Variants in CADPS observed in about 807,000 individuals in gnomAD.
CADPS encodes calcium-dependent secretion activator 1.
A neutral mutation model predicts 167.3 loss-of-function variants in CADPS; 57 were observed. The observed-to-expected ratio is 0.34, with a 90% CI of 0.28 to 0.42. The LOEUF (loss-of-function observed/expected upper bound fraction) is 0.42. Among genes scored for constraint, CADPS ranks in the 20% least tolerant of loss-of-function variants. The pLI, the probability that CADPS is intolerant of heterozygous loss-of-function variation, is 1.00. For missense variants in CADPS, 1,414 were observed against 1,738.1 expected (o/e 0.81, Z 3.32); for synonymous variants, 676 against 635.3 (o/e 1.06, Z -0.96).
chr3:62,863,359 T>C (rs1017707671), intron 1 of CADPS, among the ~76,000 whole-genome samples: 2 of 152,186 alleles, frequency 1.3e-5, no homozygotes, highest in East Asian at 1.9e-4. Context: ...ACCTATCTTA[T>C]AAGGTTGTTA....
In CADPS at chr3:62,871,556, A is replaced by G. The variant is rs183396622; in HGVS notation, c.441+3033T>C. ...TAAAAAGATAGGATTTGGAATCAGA[A>G]TGTTTCACACTTCAATTGCCATCTT... On this transcript the variant is annotated intron_variant, in intron 1 of 29. Coordinates refer to ENST00000383710, the MANE Select transcript of CADPS (RefSeq NM_003716.4). Among the ~76,000 whole-genome samples, 174 of 152,252 alleles carry G rather than the reference A, an allele frequency of 1.1e-3. 2 individuals are homozygous for G. The highest frequency in any genetic ancestry group is 2.8e-3 in the Admixed American group (43 of 15,300).
intron 3 of CADPS, among the ~76,000 whole-genome samples, chr3:62,679,019 C>T (rs577784412): frequency 6.6e-6 from 1 of 152,002 alleles, no homozygotes; most frequent in Non-Finnish European, 1.5e-5. Flanking sequence ...ATTGCTGTAG[C>T]TTTTCTTTAC....
intron 13 of CADPS, among the ~76,000 whole-genome samples, chr3:62,521,357 A>G (rs1202178722): frequency 6.6e-6 from 1 of 152,220 alleles, no homozygotes; most frequent in Non-Finnish European, 1.5e-5. Flanking sequence ...TTATTTAACT[A>G]TGAATCCCTT....
At position 62,874,303 on chromosome 3, in the gene CADPS, T is replaced by C. The variant is rs1274163989; in HGVS notation, c.441+286A>G. ...GCCTCTCGGTCCACAAAGCGGGACC[T>C]GCCTGCCTCGCTCACCAACGCTCCC... On this transcript the variant is annotated intron_variant, in intron 1 of 29. Transcript: ENST00000383710. The surrounding 1 kb of genome is among the most constrained non-coding windows in gnomAD (Gnocchi z 7.1). Among the ~76,000 whole-genome samples the C allele has an allele frequency of 6.6e-6, 1 of 152,182 alleles. No individual in the cohort carries two copies. The highest frequency in any genetic ancestry group is 2.4e-5 in the African/African-American group (1 of 41,454).
rs554567796 is a variant in CADPS at position 62,421,090 on chromosome 3, G to A, written c.3777+17014C>T. On this transcript the variant is annotated intron_variant, in intron 28 of 29. Coordinates refer to ENST00000383710, the MANE Select transcript of CADPS (RefSeq NM_003716.4). This position sits in a 1 kb window ranked among gnomAD's most constrained non-coding sequence, Gnocchi z 4.7. ...ACCAGCCAGGAGGTAAGAAGTCTGCGTCAGGTCCCCCATTGAAGTGTTCAG... is the reference window on the plus strand; with the variant it reads ...ACCAGCCAGGAGGTAAGAAGTCTGCATCAGGTCCCCCATTGAAGTGTTCAG... 5.4e-4 allele frequency among the ~76,000 whole-genome samples: 82 copies of A among 152,230 alleles called. No homozygotes were observed. The highest frequency in any genetic ancestry group is 7.1e-4 in the Non-Finnish European group (48 of 68,016).
chr3:62,645,846 G>GA lies in CADPS; in HGVS notation c.1204-4dup. 2 of 1,613,894 alleles carry GA rather than the reference G, an allele frequency of 1.2e-6. No homozygotes were observed. Among genetic ancestry groups the GA allele is most frequent in the Non-Finnish European group, 1.7e-6 (2 of 1,179,880 alleles). On this transcript the variant is annotated splice_region_variant and splice_polypyrimidine_tract_variant and intron_variant, in intron 5 of 29. Coordinates refer to ENST00000383710, the MANE Select transcript of CADPS (RefSeq NM_003716.4). ...CCTTGGACTTCCATAATTACCACCTGAAAAGAGAATTCCACATAATGGAGG... is the reference window on the plus strand; with the variant it reads ...CCTTGGACTTCCATAATTACCACCTGAAAAAGAGAATTCCACATAATGGAGG...
chr3:62,547,172 G>T (rs762414421), intron 11 of CADPS, among the ~76,000 whole-genome samples: 21 of 152,178 alleles, frequency 1.4e-4, no homozygotes, highest in Admixed American at 8.5e-4. Context: ...CAGTGTTGAA[G>T]CTCTGTTGCA....
chr3:62,426,902 C>T (rs1415058668), intron 28 of CADPS, among the ~76,000 whole-genome samples: 1 of 113,580 alleles, frequency 8.8e-6, no homozygotes, highest in African/African-American at 3.7e-5. Context: ...CCTGTCTCTA[C>T]TAAAAATACA....
intron 3 of CADPS, among the ~76,000 whole-genome samples, chr3:62,713,446 T>C (rs1323004766): frequency 6.6e-6 from 1 of 152,210 alleles, no homozygotes; most frequent in African/African-American, 2.4e-5. Flanking sequence ...CTGGCAGTTA[T>C]CACCCCTTTT....
intron 6 of CADPS, among the ~76,000 whole-genome samples, chr3:62,614,146 T>C (rs763482917): frequency 6.6e-6 from 1 of 152,222 alleles, no homozygotes; most frequent in Non-Finnish European, 1.5e-5. Flanking sequence ...GCACTTACTA[T>C]GGGCCAGGCA....
intron 28 of CADPS, among the ~76,000 whole-genome samples, chr3:62,416,945 C>T (rs1411661605): frequency 1.3e-5 from 2 of 151,784 alleles, no homozygotes; most frequent in African/African-American, 2.4e-5. Flanking sequence ...AGTGGAGTGG[C>T]GCGATCACGG....
At chr3:62,727,123 C>T (rs1195961450) in intron 3 of CADPS, among the ~76,000 whole-genome samples, 1 of 151,720 alleles carries the variant, frequency 6.6e-6, no homozygotes, top group Non-Finnish European at 1.5e-5. Context: ...AATTCCATTC[C>T]TGTGCTTCTA....
intron 8 of CADPS, among the ~76,000 whole-genome samples, chr3:62,579,389 C>T (rs1429749751): frequency 1.3e-5 from 2 of 152,040 alleles, no homozygotes; most frequent in Non-Finnish European, 2.9e-5. Flanking sequence ...GTATGAAGGT[C>T]CTATGAAAAA....
At chr3:62,754,640 C>A (rs2083447183) in intron 2 of CADPS, among the ~76,000 whole-genome samples, 1 of 152,134 alleles carries the variant, frequency 6.6e-6, no homozygotes, top group Non-Finnish European at 1.5e-5. Context: ...AGGTGTGTGC[C>A]AATATGCCTC....
intron 3 of CADPS, among the ~76,000 whole-genome samples, chr3:62,722,096 C>T (rs1052001788): frequency 6.6e-6 from 1 of 152,188 alleles, no homozygotes; most frequent in African/African-American, 2.4e-5. Flanking sequence ...GAAATGCAGG[C>T]TTGGAAGAGT....
At position 62,509,334 on chromosome 3, in the gene CADPS, A is replaced by C. The variant is rs987057870; in HGVS notation, c.2599+3417T>G. On this transcript the variant is annotated intron_variant, in intron 17 of 29. Transcript: ENST00000383710. ...AAAGAAAGAAAGAAAGAAATAAAAG[A>C]GAACCACTTAGTCCCTCATGTATAA... is the stretch of plus-strand genomic sequence containing the variant. Among the ~76,000 whole-genome samples the C allele has an allele frequency of 1.1e-4, 16 of 149,772 alleles. 1 individual carries two copies. Among genetic ancestry groups the C allele is most frequent in the Admixed American group, 1.0e-3 (15 of 15,038 alleles).
At chr3:62,461,154 G>C (rs538502698) in intron 26 of CADPS, among the ~76,000 whole-genome samples, 21 of 152,210 alleles carry the variant, frequency 1.4e-4, no homozygotes, top group Non-Finnish European at 2.9e-4. Flanking sequence ...GAAGAGTGTT[G>C]TTGGAATGGG....
chr3:62,800,463 C>T (rs1231466196), intron 1 of CADPS, among the ~76,000 whole-genome samples: 1 of 152,080 alleles, frequency 6.6e-6, no homozygotes, highest in Non-Finnish European at 1.5e-5. Flanking sequence ...TTATTATATG[C>T]TTTTCCAGAA....
chr3:62,528,346 A>G (rs935677012), intron 13 of CADPS, among the ~76,000 whole-genome samples: 1 of 152,212 alleles, frequency 6.6e-6, no homozygotes, highest in Non-Finnish European at 1.5e-5. Flanking sequence ...GGTGAGGGTA[A>G]TAACGATATT....
Sources: allele counts gnomAD v4.1 joint callset (sites outside exome capture counted in the v4.1 genomes callset), GRCh38; gene constraint gnomAD v4.1.1; non-coding constraint Gnocchi (gnomAD v3.1); transcripts MANE v1.5; gene names NCBI Gene and HGNC (gene_info 2026-07-23, HGNC 2026-07-21).